The following L1TD1 variants were observed in gnomAD, a reference collection of about 807,000 sequenced individuals.
The protein encoded by L1TD1 is LINE-1 type transposase domain-containing protein 1.
In L1TD1, 26 loss-of-function variants were observed where a neutral mutation model predicts 25.7. That is an observed-to-expected ratio of 1.01 (90% CI 0.74 to 1.40). The LOEUF is 1.40. L1TD1 is among the 40% of genes most tolerant of loss of function. The pLI, the probability that L1TD1 is intolerant of heterozygous loss-of-function variation, is 0.00. For missense variants in L1TD1, 1,130 were observed against 975.0 expected (o/e 1.16, Z -2.12); for synonymous variants, 421 against 335.6 (o/e 1.25, Z -2.78).
In L1TD1 at chr1:62,212,197, G is replaced by A. The variant is rs1670890810; in HGVS notation, c.*825G>A. ...GCAGGTGGGTCACTTGAGCCCAAGAGTTCAAGGCCATCCTGGGCAATGTGG... is the reference window on the plus strand; with the variant it reads ...GCAGGTGGGTCACTTGAGCCCAAGAATTCAAGGCCATCCTGGGCAATGTGG... On this transcript the variant is annotated 3_prime_UTR_variant, in exon 4 of 4. Transcript: ENST00000498273. The A allele has an allele frequency of 6.6e-6, 1 of 152,090 alleles. No homozygotes were observed. The highest frequency in any genetic ancestry group is 1.5e-5 in the Non-Finnish European group (1 of 68,028). 9.4% of individuals were successfully genotyped at this position (152,090 alleles called of 1,614,324 possible). A position where few individuals can be genotyped will look rare whatever the true frequency, so the allele number is the denominator to read the frequency against.
rs1449997956 is a variant in L1TD1, at chr1:62,210,597, A to G, written c.1823A>G (p.Asp608Gly). Residue 608 changes from aspartate to glycine, a missense_variant, in exon 4 of 4, where the codon GAC (aspartate) becomes GGC (glycine). By Grantham distance (94) the Asp-to-Gly change is moderately conservative. Coordinates refer to ENST00000498273, the MANE Select transcript of L1TD1 (RefSeq NM_019079.5). The stretch of plus-strand genomic sequence containing the variant: ...GAAGAACTAACATCCAAAGAAGCAG[A>G]CTTAACAGAGGAAACAGAAGAAAAC... The part of the protein sequence containing the change: ...HTEELTSKEA[D>G]LTEETEENLR... The G allele has an allele frequency of 1.9e-6, 3 of 1,611,708 alleles. No individual in the cohort carries two copies. The highest frequency in any genetic ancestry group is 3.4e-5 in the Admixed American group (2 of 59,652).
chr1:62,198,893 AG>A (rs1338359845), intron 2 of L1TD1, among the ~76,000 whole-genome samples: 1 of 151,428 alleles, frequency 6.6e-6, no homozygotes, highest in Non-Finnish European at 1.5e-5. Context: ...GCTGGAATGC[AG>A]TGATGCAATC....
intron 2 of L1TD1, among the ~76,000 whole-genome samples, chr1:62,197,026 T>A (rs1049659389): frequency 2.0e-5 from 3 of 152,082 alleles, no homozygotes; most frequent in African/African-American, 7.2e-5. Flanking sequence ...CAGTTCGTCA[T>A]CGCTAGAAAC....
chr1:62,203,733 C>T (rs1156727418), intron 2 of L1TD1, among the ~76,000 whole-genome samples: 2 of 152,216 alleles, frequency 1.3e-5, no homozygotes, highest in Non-Finnish European at 2.9e-5. Flanking sequence ...TGCCTGCCAC[C>T]ACACCCAGCT....
chr1:62,211,181 G>A lies in L1TD1; in HGVS notation c.2407G>A (p.Ala803Thr), dbSNP rs1670862145. ...AGACTTATCACTGGACACACTGGAT[G>A]CTAGAAGTAAATGGAGCAATGTCTT... ...TADLSLDTLD[A>T]RSKWSNVFKV... The change falls in exon 4 of 4, where the codon GCT becomes ACT. Residue 803 changes from alanine to threonine, a missense_variant. Transcript: ENST00000498273. 3.2e-6 allele frequency: 5 copies of A among 1,551,702 alleles called. No individual in the cohort carries two copies. Among genetic ancestry groups the A allele is most frequent in the Non-Finnish European group, 4.4e-6 (5 of 1,147,034 alleles).
Position 62,207,117 on chromosome 1 carries a change from T to A in L1TD1, c.489T>A (p.Gly163=). 1 of 1,600,616 alleles carries A rather than the reference T, an allele frequency of 6.2e-7. No individual in the cohort carries two copies. Residue 163 remains glycine (G), a synonymous_variant, in exon 3 of 4, where the codon GGT becomes GGA. Coordinates refer to ENST00000498273, the MANE Select transcript of L1TD1 (RefSeq NM_019079.5). ...NSNDGKKLPQ[G]ESRSYEVMGS... is the part of the protein sequence containing the mutation. ...ATGATGGTAAGAAATTACCCCAGGG[T>A]GAATCACGAAGTTACGAAGTCATGG...
intron 2 of L1TD1, among the ~76,000 whole-genome samples, chr1:62,203,937 G>A (rs1164398336): frequency 1.3e-5 from 2 of 152,084 alleles, no homozygotes; most frequent in Non-Finnish European, 2.9e-5. Context: ...TCTCGGCCAG[G>A]CCGGTCTCAA....
Position 62,209,756 on chromosome 1 carries a change from T to C in L1TD1, c.1009-27T>C, listed in dbSNP as rs766592474. The stretch of plus-strand genomic sequence containing the variant: ...ACAAATGATTTAAACAAATAACTCT[T>C]TTTTTTCTTCTTTGTTTAACTTTCA... On this transcript the variant is annotated intron_variant, in intron 3 of 3. Transcript: ENST00000498273. 1.2e-5 allele frequency: 17 copies of C among 1,431,954 alleles called. No homozygotes were observed. In the South Asian group the frequency reaches 2.2e-4, roughly 18 times the overall value. The allele number at this position is 1,431,954 out of a possible 1,614,324, so 88.7% of individuals were successfully genotyped here.
intron 2 of L1TD1, among the ~76,000 whole-genome samples, chr1:62,199,681 T>TA (rs1166567357): frequency 1.3e-5 from 2 of 151,896 alleles, no homozygotes; most frequent in African/African-American, 2.4e-5. Flanking sequence ...CTGTCTCTTT[T>TA]AAAAAAAATA....
rs746021265 is a variant in L1TD1, at chr1:62,211,179, A to G, written c.2405A>G (p.Asp802Gly). ...GCAGACTTATCACTGGACACACTGG[A>G]TGCTAGAAGTAAATGGAGCAATGTC... is the stretch of plus-strand genomic sequence containing the variant. ...LTADLSLDTL[D>G]ARSKWSNVFK... The change falls in exon 4 of 4, where the codon GAT (aspartate) becomes GGT (glycine). Residue 802 changes from aspartate (D) to glycine (G), a missense_variant. Transcript: ENST00000498273. 2 of 1,551,524 alleles carry G rather than the reference A, an allele frequency of 1.3e-6. 1 individual carries two copies. Among genetic ancestry groups the G allele is most frequent in the African/African-American group, 2.7e-5 (2 of 73,028 alleles).
chr1:62,205,437 A>ATTTTTTTTTTTTTTTT lies in L1TD1; in HGVS notation c.-110-1081_-110-1080insTTTTTTTTTTTTTTTT, dbSNP rs1169759217. 2.0e-3 allele frequency among the ~76,000 whole-genome samples: 84 copies of ATTTTTTTTTTTTTTTT among 42,388 alleles called. 2 individuals carry two copies. Among genetic ancestry groups the ATTTTTTTTTTTTTTTT allele is most frequent in the Non-Finnish European group, 3.2e-3 (69 of 21,786 alleles). The allele number at this position is 42,388 out of a possible 152,430, so 27.8% of individuals were successfully genotyped here. On this transcript the variant is annotated intron_variant, in intron 2 of 3. Coordinates refer to ENST00000498273, the MANE Select transcript of L1TD1 (RefSeq NM_019079.5). Reference sequence around the variant, plus strand: ...TCTCTCTATATATATATATATATATATATATATTTTTTTTTAGACAGTCTT... The same window carrying ATTTTTTTTTTTTTTTT: ...TCTCTCTATATATATATATATATATATTTTTTTTTTTTTTTTTATATATTTTTTTTTAGACAGTCTT...
In L1TD1 at chr1:62,212,245, CAAAA is replaced by C. The variant is rs1386522872; in HGVS notation, c.*875_*878del. Reference sequence around the variant, plus strand: ...TGGCGAAAGTGTCTACAAAAAAATACAAAAAGAGGAAGAAATGATATTTCACAAG... The same window carrying C: ...TGGCGAAAGTGTCTACAAAAAAATACAGAGGAAGAAATGATATTTCACAAG... On this transcript the variant is annotated 3_prime_UTR_variant, in exon 4 of 4. Coordinates refer to ENST00000498273, the MANE Select transcript of L1TD1 (RefSeq NM_019079.5). 1 of 152,012 alleles carries C rather than the reference CAAAA, an allele frequency of 6.6e-6. No individual in the cohort carries two copies. Among genetic ancestry groups the C allele is most frequent in the East Asian group, 1.9e-4 (1 of 5,178 alleles). 9.4% of individuals were successfully genotyped at this position (152,012 alleles called of 1,614,324 possible).
In L1TD1 at chr1:62,207,425, T is replaced by C; in HGVS notation, c.797T>C (p.Ile266Thr). The change falls in exon 3 of 4, where the codon ATT (isoleucine) becomes ACT (threonine). Residue 266 changes from isoleucine to threonine, a missense_variant. Ile to Thr is a moderately conservative substitution (Grantham distance 89). Coordinates refer to ENST00000498273, the MANE Select transcript of L1TD1 (RefSeq NM_019079.5). ...AAGCAATGGAGTAATGTCTTCAACATTCTGAGAGAAAATGATTTTGAACCT... is the reference window on the plus strand; with the variant it reads ...AAGCAATGGAGTAATGTCTTCAACACTCTGAGAGAAAATGATTTTGAACCT... ...ISKQWSNVFN[I>T]LRENDFEPKF... 1 of 1,550,990 alleles carries C rather than the reference T, an allele frequency of 6.4e-7. No homozygotes were observed. The highest frequency in any genetic ancestry group is 8.7e-7 in the Non-Finnish European group (1 of 1,146,692).
intron 3 of L1TD1, among the ~76,000 whole-genome samples, chr1:62,208,741 A>C (rs1451556727): frequency 6.6e-6 from 1 of 152,150 alleles, no homozygotes; most frequent in Non-Finnish European, 1.5e-5. Flanking sequence ...GGCCTCCCAA[A>C]GTGCTGGAAT....
At position 62,210,887 on chromosome 1, in the gene L1TD1, A is replaced by G; in HGVS notation, c.2113A>G (p.Ile705Val). ...ATCTAGAAGTTGCAACATTCGTTTG[A>G]TAGGAATTCCAGAAAAGGAGAGTTA... ...ERSRSCNIRLIGIPEKESYEN... is the reference protein window; with the variant it reads ...ERSRSCNIRLVGIPEKESYEN... The change falls in exon 4 of 4, where the codon ATA (isoleucine) becomes GTA (valine). Residue 705 changes from isoleucine to valine, a missense_variant. Ile to Val is a conservative substitution (Grantham distance 29). Coordinates refer to ENST00000498273, the MANE Select transcript of L1TD1 (RefSeq NM_019079.5). 2 of 1,551,438 alleles carry G rather than the reference A, an allele frequency of 1.3e-6. No individual in the cohort carries two copies. Among genetic ancestry groups the G allele is most frequent in the Middle Eastern group, 1.7e-4 (1 of 5,992 alleles).
At position 62,210,132 on chromosome 1, in the gene L1TD1, A is replaced by T. The variant is rs765066852; in HGVS notation, c.1358A>T (p.Asp453Val). 1 of 1,614,094 alleles carries T rather than the reference A, an allele frequency of 6.2e-7. No homozygotes were observed. Among genetic ancestry groups the T allele is most frequent in the Non-Finnish European group, 8.5e-7 (1 of 1,180,008 alleles). ...DSTFQGHTLV[D>V]AKHEVEITSD... ...ACCTTTCAGGGTCATACTTTGGTAG[A>T]TGCAAAGCATGAAGTTGAGATAACC... The change falls in exon 4 of 4, where the codon GAT (aspartate) becomes GTT (valine). Residue 453 changes from aspartate (D) to valine (V), a missense_variant. Coordinates refer to ENST00000498273, the MANE Select transcript of L1TD1 (RefSeq NM_019079.5).
Position 62,207,595 on chromosome 1 carries a change from A to G in L1TD1, c.967A>G (p.Ile323Val). ...LKDVLPQKEE[I>V]NQGGRKYGIQ... is the part of the protein sequence containing the mutation. ...AGATGTACTCCCACAAAAGGAAGAA[A>G]TAAATCAAGGAGGAAGAAAATATGG... Residue 323 changes from isoleucine to valine, a missense_variant, in exon 3 of 4, where the codon ATA (isoleucine) becomes GTA (valine). Physicochemically the swap from Ile to Val is conservative, Grantham distance 29. Transcript: ENST00000498273. The G allele has an allele frequency of 6.5e-7, 1 of 1,544,300 alleles. No individual in the cohort carries two copies. The highest frequency in any genetic ancestry group is 1.2e-5 in the South Asian group (1 of 82,704).
intron 2 of L1TD1, among the ~76,000 whole-genome samples, chr1:62,205,340 A>G (rs983202645): frequency 1.3e-5 from 2 of 149,524 alleles, no homozygotes; most frequent in Admixed American, 6.7e-5. Context: ...CTGTCAAAAG[A>G]AAAAAACAAA....
In L1TD1 at chr1:62,210,034, G is replaced by C. The variant is rs749427979; in HGVS notation, c.1260G>C (p.Glu420Asp). The C allele has an allele frequency of 1.6e-5, 25 of 1,612,176 alleles. No individual in the cohort carries two copies. Among genetic ancestry groups the C allele is most frequent in the Non-Finnish European group, 2.0e-5 (23 of 1,178,882 alleles). Residue 420 changes from glutamate to aspartate, a missense_variant, in exon 4 of 4, where the codon GAG becomes GAC. Physicochemically the swap from Glu to Asp is conservative, Grantham distance 45 (BLOSUM62 2). Coordinates refer to ENST00000498273, the MANE Select transcript of L1TD1 (RefSeq NM_019079.5). Reference sequence around the variant, plus strand: ...GGCTGGAGGAGGAAGAAGAAGAAGAGGCTTCAGGGTTGGAGGAGGATGAGG... The same window carrying C: ...GGCTGGAGGAGGAAGAAGAAGAAGACGCTTCAGGGTTGGAGGAGGATGAGG... The part of the protein sequence containing the change: ...PSGLEEEEEE[E>D]ASGLEEDEAS...
Sources: allele counts gnomAD v4.1 joint callset (sites outside exome capture counted in the v4.1 genomes callset), GRCh38; gene constraint gnomAD v4.1.1; transcripts MANE v1.5; gene names NCBI Gene and HGNC (gene_info 2026-07-23, HGNC 2026-07-21).